The following ATG101 variants were observed in gnomAD, a reference collection of about 807,000 sequenced individuals.
ATG101 encodes the protein autophagy-related protein 101.
ATG101 carries 6 observed loss-of-function variants against 16.7 expected under a neutral mutation model. The ratio of observed to expected loss-of-function variants is 0.36; its 90% confidence interval spans 0.20 to 0.71. ATG101 has a LOEUF of 0.71. ATG101 is among the 30% of genes least tolerant of loss of function. ATG101 has a pLI of 0.57. For missense variants in ATG101, 200 were observed against 292.5 expected, an observed-to-expected ratio of 0.68 and a Z score of 2.31; for synonymous variants, 108 against 118.1, an observed-to-expected ratio of 0.91 and a Z score of 0.56.
upstream of ATG101, among the ~76,000 whole-genome samples, chr12:52,065,552 C>T (rs1420393406): frequency 6.6e-6 from 1 of 152,164 alleles, no homozygotes; most frequent in Non-Finnish European, 1.5e-5. Context: ...GGCTGAGACC[C>T]AGGGTTGCAG....
At chr12:52,072,300 C>T (rs1204007715) in intron 2 of ATG101, among the ~76,000 whole-genome samples, 2 of 152,232 alleles carry the variant, frequency 1.3e-5, no homozygotes, top group Admixed American at 6.5e-5. Context: ...TTCAAGTCAT[C>T]GTTTTCAACC....
In ATG101 at chr12:52,072,630, TGA is replaced by T. The variant is rs540876447; in HGVS notation, c.-76-941_-76-940del. Among the ~76,000 whole-genome samples, 463 of 152,296 alleles carry T rather than the reference TGA, an allele frequency of 3.0e-3. 1 individual carries two copies. The highest frequency in any genetic ancestry group is 0.011 in the African/African-American group (439 of 41,544). On this transcript the variant is annotated intron_variant, in intron 2 of 3. Coordinates refer to ENST00000336854, the MANE Select transcript of ATG101 (RefSeq NM_021934.5). ...GTGAGATTTGGTATATGTGTGTGTG[TGA>T]GAGTCATGTTTTTAAAGCCCAGTCT...
chr12:52,070,766 G>C (rs1330286195), intron 2 of ATG101: 1 of 152,370 alleles, frequency 6.6e-6, no homozygotes, highest in Non-Finnish European at 1.5e-5. Context: ...GCACAAGTGA[G>C]ATGTGTGGCT....
upstream of ATG101, among the ~76,000 whole-genome samples, chr12:52,066,177 G>C (rs910886485): frequency 4.6e-5 from 7 of 152,178 alleles, no homozygotes; most frequent in African/African-American, 1.7e-4. Context: ...ACACCCGGCC[G>C]AGAGGGATTT....
chr12:52,072,403 A>G (rs1025530025), intron 2 of ATG101, among the ~76,000 whole-genome samples: 2 of 152,250 alleles, frequency 1.3e-5, no homozygotes, highest in African/African-American at 4.8e-5. Context: ...TGATTCGCTT[A>G]AGGTCATAGA....
chr12:52,071,231 G>A (rs1939645721), intron 2 of ATG101: 2 of 152,222 alleles, frequency 1.3e-5, no homozygotes, highest in Admixed American at 1.3e-4. Flanking sequence ...CTGAGCAACA[G>A]TTTAAAAGGG....
At chr12:52,074,971 A>AG (rs1555171139) in intron 3 of ATG101, among the ~76,000 whole-genome samples, 4 of 151,996 alleles carry the variant, frequency 2.6e-5, no homozygotes, top group Non-Finnish European at 4.4e-5. Flanking sequence ...AAAAAAAATA[A>AG]TTTTTTTTGT....
chr12:52,074,793 T>C (rs144273895), intron 3 of ATG101, among the ~76,000 whole-genome samples: 7 of 152,120 alleles, frequency 4.6e-5, no homozygotes, highest in African/African-American at 1.7e-4. Flanking sequence ...ACTCCGTCTC[T>C]ACAGAAAATA....
upstream of ATG101, among the ~76,000 whole-genome samples, chr12:52,068,474 C>G (rs1204328589): frequency 6.6e-6 from 1 of 152,028 alleles, no homozygotes; most frequent in East Asian, 1.9e-4. Flanking sequence ...CCACCTCAGC[C>G]TCTGAAGTAG....
At chr12:52,068,627 G>C (rs192441518), upstream of ATG101, among the ~76,000 whole-genome samples, 8 of 152,140 alleles carry the variant, frequency 5.3e-5, no homozygotes, top group East Asian at 1.6e-3. Context: ...AAAATGTTGG[G>C]ATCACAGGCG....
chr12:52,068,689 C>T (rs1042300907), upstream of ATG101, among the ~76,000 whole-genome samples: 3 of 151,960 alleles, frequency 2.0e-5, no homozygotes, highest in Admixed American at 2.0e-4. Flanking sequence ...CAGCTAACAC[C>T]TTAAGAATGC....
At chr12:52,076,229 GA>G (rs1209383784) in intron 3 of ATG101, among the ~76,000 whole-genome samples, 1 of 152,196 alleles carries the variant, frequency 6.6e-6, no homozygotes, top group African/African-American at 2.4e-5. Context: ...GGGGAAGAGG[GA>G]AATGTTGACG....
Position 52,073,614 on chromosome 12 carries a change from C to T in ATG101, c.-37C>T, listed in dbSNP as rs780443644. The T allele has an allele frequency of 1.3e-5, 21 of 1,598,120 alleles. No individual in the cohort carries two copies. The East Asian group carries it at 4.5e-4, about 34-fold the overall frequency. ...AGGGTGAAGATCCCCTGTCTTTATCCTAGTTCCACACCTTGGTGTGGGTTA... is the reference window on the plus strand; with the variant it reads ...AGGGTGAAGATCCCCTGTCTTTATCTTAGTTCCACACCTTGGTGTGGGTTA... On this transcript the variant is annotated 5_prime_UTR_variant, in exon 3 of 4. Coordinates refer to ENST00000336854, the MANE Select transcript of ATG101 (RefSeq NM_021934.5).
intron 3 of ATG101, 111 bp downstream of exon 3, chr12:52,074,013 G>C (rs776193322): frequency 1.1e-4 from 155 of 1,442,968 alleles, no homozygotes; most frequent in Non-Finnish European, 1.4e-4. Flanking sequence ...CTTCCTGAGT[G>C]CGTGAATCGG....
upstream of ATG101, among the ~76,000 whole-genome samples, chr12:52,066,421 C>T (rs949211495): frequency 6.6e-6 from 1 of 152,200 alleles, no homozygotes; most frequent in Non-Finnish European, 1.5e-5. Flanking sequence ...CCCCTCCACA[C>T]CGGGAAGGGA....
Position 52,073,740 on chromosome 12 carries a change from G to T in ATG101, c.90G>T (p.Leu30=). 1 of 1,614,206 alleles carries T rather than the reference G, an allele frequency of 6.2e-7. No homozygotes were observed. The highest frequency in any genetic ancestry group is 1.1e-5 in the South Asian group (1 of 91,088). ...AMLAVLHTVL[L]HRSTGKFHYK... is the part of the protein sequence containing the mutation. ...TGGCTGTGCTGCACACGGTGCTTCT[G>T]CACCGCAGCACAGGCAAGTTCCACT... The change falls in exon 3 of 4, where the codon CTG becomes CTT. Residue 30 remains leucine (L), a synonymous_variant. Coordinates refer to ENST00000336854, the MANE Select transcript of ATG101 (RefSeq NM_021934.5).
chr12:52,073,979 A>G, intron 3 of ATG101, 77 bp downstream of exon 3: 1 of 1,565,548 alleles, frequency 6.4e-7, no homozygotes, highest in Non-Finnish European at 8.7e-7. Flanking sequence ...CCTCCACTCC[A>G]GCTTGGTGTT....
chr12:52,077,248 T>A lies in ATG101; in HGVS notation c.*58T>A. 6.4e-6 allele frequency: 10 copies of A among 1,566,776 alleles called. No individual in the cohort carries two copies. Among genetic ancestry groups the A allele is most frequent in the Middle Eastern group, 1.7e-4 (1 of 5,856 alleles). ...CTCCCAGACCTTGGCTTTTGGGAAT[T>A]GCACTTTTGGGCCTTTGGGCTCTGG... On this transcript the variant is annotated 3_prime_UTR_variant, in exon 4 of 4. Transcript: ENST00000336854.
rs111830977 is a variant in ATG101, at chr12:52,074,527, C to CT, written c.252+637dup. On this transcript the variant is annotated intron_variant, in intron 3 of 3. Transcript: ENST00000336854. ...TAGCAAAGATAATTTTTCTTTCTTC[C>CT]TTTTTTTTTTTTGAGACACAGTCTC... Among the ~76,000 whole-genome samples the CT allele has an allele frequency of 3.8e-3, 551 of 146,720 alleles. 1 individual carries two copies. Among genetic ancestry groups the CT allele is most frequent in the African/African-American group, 0.011 (440 of 40,404 alleles).
Sources: gnomAD v4.1 joint callset for allele counts (sites outside exome capture counted in the v4.1 genomes callset) on GRCh38, gnomAD v4.1.1 for gene constraint, MANE v1.5 for transcripts, NCBI Gene and HGNC (gene_info 2026-07-23, HGNC 2026-07-21) for gene names.